FGF12: variants seen among roughly 807,000 people sequenced by gnomAD.
The protein encoded by FGF12 is fibroblast growth factor 12, also known as fibroblast growth factor 12B.
A neutral mutation model predicts 23.6 loss-of-function variants in FGF12; 14 were observed. The observed-to-expected ratio is 0.59, with a 90% CI of 0.39 to 0.93. FGF12 has a LOEUF of 0.93. Ranked by LOEUF, FGF12 falls within the 40% of genes least tolerant of loss-of-function variation. The probability of loss-of-function intolerance (pLI) is 0.00; values close to 1 mark genes in which losing one functional copy is unlikely to be tolerated. For synonymous variants in FGF12, 62 were observed against 77.3 expected (o/e 0.80, Z 1.04); for missense variants, 175 against 217.8 (o/e 0.80, Z 1.24).
At chr3:192,169,557 C>T (rs751818614) in intron 5 of FGF12, among the ~76,000 whole-genome samples, 1 of 152,114 alleles carries the variant, frequency 6.6e-6, no homozygotes, top group Non-Finnish European at 1.5e-5. Context: ...CACTGATTGA[C>T]TGACCATGCC....
intron 2 of FGF12, among the ~76,000 whole-genome samples, chr3:192,698,056 C>T (rs1718180320): frequency 1.3e-5 from 2 of 152,058 alleles, no homozygotes; most frequent in South Asian, 4.1e-4. Flanking sequence ...GATAGTCTCT[C>T]TCCCATCACA....
chr3:192,505,058 AC>A (rs1724253553), intron 2 of FGF12, among the ~76,000 whole-genome samples: 2 of 152,130 alleles, frequency 1.3e-5, no homozygotes, highest in East Asian at 3.8e-4. Flanking sequence ...CATTGAGTAG[AC>A]TGGTACGTAT....
chr3:192,634,063 A>G (rs915512865), intron 2 of FGF12, among the ~76,000 whole-genome samples: 1 of 152,198 alleles, frequency 6.6e-6, no homozygotes, highest in African/African-American at 2.4e-5. Context: ...TTACCATAGC[A>G]CTACCTCTTT....
At chr3:192,695,233 T>C (rs1055580173) in intron 2 of FGF12, among the ~76,000 whole-genome samples, 7 of 152,184 alleles carry the variant, frequency 4.6e-5, no homozygotes, top group African/African-American at 1.7e-4. Flanking sequence ...AATACAAACC[T>C]AGCATTTTTC....
At chr3:192,246,633 G>T (rs965770522) in intron 4 of FGF12, among the ~76,000 whole-genome samples, 12 of 151,928 alleles carry the variant, frequency 7.9e-5, no homozygotes, top group African/African-American at 2.9e-4. Context: ...AGACCAGCCT[G>T]GACAACATGG....
chr3:192,184,102 T>C (rs975948590), intron 4 of FGF12, among the ~76,000 whole-genome samples: 2 of 152,018 alleles, frequency 1.3e-5, no homozygotes, highest in Non-Finnish European at 2.9e-5. Context: ...CAGGTGCCTG[T>C]AGTTGCAGCT....
intron 2 of FGF12, among the ~76,000 whole-genome samples, chr3:192,564,397 T>C (rs1272078769): frequency 6.6e-6 from 1 of 152,146 alleles, no homozygotes; most frequent in Admixed American, 6.5e-5. Flanking sequence ...CATCTAGAAG[T>C]TCCAGATGCT....
At chr3:192,235,211 A>G (rs1178695027) in intron 4 of FGF12, among the ~76,000 whole-genome samples, 3 of 152,118 alleles carry the variant, frequency 2.0e-5, no homozygotes, top group South Asian at 2.1e-4. Context: ...TACTGATTCA[A>G]TTTCAGAACT....
At chr3:192,698,292 G>T (rs1326006590) in intron 2 of FGF12, among the ~76,000 whole-genome samples, 1 of 152,114 alleles carries the variant, frequency 6.6e-6, no homozygotes, top group African/African-American at 2.4e-5. Flanking sequence ...CTCTAACAAA[G>T]TTGTTTACTC....
intron 4 of FGF12, among the ~76,000 whole-genome samples, chr3:192,229,027 G>T (rs539706479): frequency 6.6e-5 from 10 of 152,104 alleles, no homozygotes; most frequent in Admixed American, 5.2e-4. Context: ...CTATGGTAGA[G>T]CTTATTATAT....
intron 5 of FGF12, among the ~76,000 whole-genome samples, chr3:192,156,253 C>G (rs527832794): frequency 5.9e-5 from 9 of 152,238 alleles, no homozygotes; most frequent in South Asian, 2.1e-4. Context: ...CCCAGTTCCC[C>G]AATCCTGTTC....
At chr3:192,413,817 T>G (rs1721268365) in intron 2 of FGF12, among the ~76,000 whole-genome samples, 2 of 152,224 alleles carry the variant, frequency 1.3e-5, no homozygotes, top group Admixed American at 1.3e-4. Context: ...ATGAGCTCAC[T>G]GGGCTCTGCC....
intron 2 of FGF12, among the ~76,000 whole-genome samples, chr3:192,495,460 A>C (rs368836229): frequency 7.4e-6 from 1 of 134,500 alleles, no homozygotes; most frequent in African/African-American, 2.7e-5. Context: ...GATATATATA[A>C]ACCTATATTA....
intron 2 of FGF12, among the ~76,000 whole-genome samples, chr3:192,371,905 T>A (rs1719249363): frequency 6.6e-6 from 1 of 152,110 alleles, no homozygotes; most frequent in South Asian, 2.1e-4. Flanking sequence ...TGCTAATACA[T>A]CTCTCTACTT....
intron 3 of FGF12, among the ~76,000 whole-genome samples, chr3:192,353,137 C>CG (rs1718300836): frequency 6.6e-6 from 1 of 152,148 alleles, no homozygotes. Flanking sequence ...GACTTGCCCA[C>CG]GGCCAAAGCA....
chr3:192,459,535 T>C (rs1314836251), intron 2 of FGF12, among the ~76,000 whole-genome samples: 1 of 152,224 alleles, frequency 6.6e-6, no homozygotes, highest in Non-Finnish European at 1.5e-5. Context: ...TGCTTCCATG[T>C]CTATGGCTAC....
At chr3:192,632,772 A>G (rs1390463071) in intron 2 of FGF12, among the ~76,000 whole-genome samples, 1 of 152,216 alleles carries the variant, frequency 6.6e-6, no homozygotes, top group Admixed American at 6.5e-5. Flanking sequence ...GGGTCATCAT[A>G]ACAAAGTAGC....
rs73066525 is a variant in FGF12, at chr3:192,297,349, T to A, written c.228+38012A>T. Among the ~76,000 whole-genome samples, 463 of 152,330 alleles carry A rather than the reference T, an allele frequency of 3.0e-3. 3 individuals carry two copies. Among genetic ancestry groups the A allele is most frequent in the African/African-American group, 0.011 (441 of 41,576 alleles). On this transcript the variant is annotated intron_variant, in intron 4 of 5. Transcript: ENST00000445105. ...AAAGGGAAGAGAAAAGTATACTGTTTGGTAATTGGAACTCAAAGACCACAT... is the reference window on the plus strand; with the variant it reads ...AAAGGGAAGAGAAAAGTATACTGTTAGGTAATTGGAACTCAAAGACCACAT...
intron 5 of FGF12, among the ~76,000 whole-genome samples, chr3:192,167,765 ATATAAAATTTTT>A (rs1715290565): frequency 3.1e-5 from 1 of 32,376 alleles, no homozygotes; most frequent in Non-Finnish European, 6.0e-5. Context: ...ATATATATAT[ATATAAAATTTTT>A]TTTTTTTTTT....
Sources: gnomAD v4.1 joint callset for allele counts (sites outside exome capture counted in the v4.1 genomes callset) on GRCh38, gnomAD v4.1.1 for gene constraint, MANE v1.5 for transcripts, NCBI Gene and HGNC (gene_info 2026-07-23, HGNC 2026-07-21) for gene names.